Variants in ZNF600 observed in about 807,000 individuals in gnomAD.
The protein encoded by ZNF600 is zinc finger protein 600.
ZNF600 carries 4 observed loss-of-function variants against 7.3 expected under a neutral mutation model. That is an observed-to-expected ratio of 0.55 (90% confidence interval 0.27 to 1.25). The LOEUF is 1.25. Ranked by LOEUF, ZNF600 falls within the 50% of genes most tolerant of loss-of-function variation. The pLI, the probability that ZNF600 is intolerant of heterozygous loss-of-function variation, is 0.12. For missense variants in ZNF600, 911 were observed against 922.1 expected (o/e 0.99, Z 0.16); for synonymous variants, 290 against 308.9 (o/e 0.94, Z 0.64).
At chr19:52,791,012 G>A (rs940582330), upstream of ZNF600, among the ~76,000 whole-genome samples, 12 of 152,144 alleles carry the variant, frequency 7.9e-5, no homozygotes, top group Admixed American at 5.9e-4. Context: ...AAAAAAGTTT[G>A]AAGTCAGAGA....
intron 1 of ZNF600, among the ~76,000 whole-genome samples, chr19:52,783,706 A>G (rs1291079017): frequency 6.6e-6 from 1 of 151,462 alleles, no homozygotes; most frequent in African/African-American, 2.4e-5. Context: ...TTCTCTCTCC[A>G]TCTGTTTCTT....
chr19:52,797,317 A>G, the ZNF600 span: 1 of 152,272 alleles, frequency 6.6e-6, no homozygotes, highest in Non-Finnish European at 1.5e-5. Flanking sequence ...ATCTCACATG[A>G]TGCAAGAATG....
At chr19:52,806,447 GC>G in the ZNF600 span, among the ~76,000 whole-genome samples, 1 of 152,014 alleles carries the variant, frequency 6.6e-6, no homozygotes, top group Non-Finnish European at 1.5e-5. Context: ...GCCCATCTCA[GC>G]CTCTCAAAGT....
At chr19:52,827,233 ACCCTGTCTCTAAAAAC>A in the ZNF600 span, among the ~76,000 whole-genome samples, 2 of 143,802 alleles carry the variant, frequency 1.4e-5, no homozygotes, top group South Asian at 4.5e-4. Flanking sequence ...ATAGAGCAAA[ACCCTGTCTCTAAAAAC>A]AAAAAAAAAA....
At chr19:52,833,062 C>T in the ZNF600 span, among the ~76,000 whole-genome samples, 2 of 152,206 alleles carry the variant, frequency 1.3e-5, no homozygotes, top group Admixed American at 6.5e-5. Flanking sequence ...TAAGCCACCA[C>T]ACCCAGACCA....
At chr19:52,820,071 A>T in the ZNF600 span, among the ~76,000 whole-genome samples, 1 of 143,678 alleles carries the variant, frequency 7.0e-6, no homozygotes, top group Non-Finnish European at 1.5e-5. Context: ...GAAATACAAA[A>T]ATTAGCTGGG....
chr19:52,809,822 A>AGACAGCGGC, the ZNF600 span: 1 of 527,246 alleles, frequency 1.9e-6, no homozygotes, highest in Non-Finnish European at 3.3e-6. Flanking sequence ...TGAGCGGCGA[A>AGACAGCGGC]GGCGGCGGCG....
chr19:52,831,851 G>A, the ZNF600 span, among the ~76,000 whole-genome samples: 1 of 151,910 alleles, frequency 6.6e-6, no homozygotes, highest in East Asian at 1.9e-4. Context: ...TTTTGGTCAG[G>A]CTGGTCTTGA....
intron 2 of ZNF600, among the ~76,000 whole-genome samples, chr19:52,776,161 T>G (rs1217259051): frequency 6.7e-6 from 1 of 149,034 alleles, no homozygotes; most frequent in Non-Finnish European, 1.5e-5. Flanking sequence ...TGGAGACAAG[T>G]GCATCACACA....
chr19:52,823,764 T>C, the ZNF600 span, among the ~76,000 whole-genome samples: 650 of 152,136 alleles, frequency 4.3e-3, 7 homozygotes, highest in African/African-American at 0.015. Flanking sequence ...AGTTACTTTC[T>C]AAAAAATACC....
upstream of ZNF600, among the ~76,000 whole-genome samples, chr19:52,788,399 G>A (rs1350110161): frequency 6.6e-6 from 1 of 152,078 alleles, no homozygotes; most frequent in Non-Finnish European, 1.5e-5. Context: ...CACGTAACAT[G>A]AGTCTTTGGA....
the ZNF600 span, chr19:52,798,900 G>T: frequency 7.0e-7 from 1 of 1,428,920 alleles, no homozygotes; most frequent in Non-Finnish European, 9.5e-7. Context: ...AGTGGTGACT[G>T]CCCACTAAAG....
exon 4 of ZNF600, chr19:52,765,902 A>C: frequency 6.2e-7 from 1 of 1,614,036 alleles, no homozygotes; most frequent in South Asian, 1.1e-5. Context: ...GTTGATTAAA[A>C]GCCTTCCCAC....
At chr19:52,774,596 A>G (rs1212977018) in exon 3 of ZNF600, 1 of 985,204 alleles carries the variant, frequency 1.0e-6, no homozygotes, top group Non-Finnish European at 1.2e-6. Context: ...AGGTTCCTGT[A>G]GTTCTCCAAC....
chr19:52,824,261 T>C, the ZNF600 span, among the ~76,000 whole-genome samples: 332 of 152,214 alleles, frequency 2.2e-3, 1 homozygote, highest in African/African-American at 7.5e-3. Flanking sequence ...TTTTCTTACA[T>C]AGGCATCCAG....
At chr19:52,805,783 G>A in the ZNF600 span, 1 of 151,992 alleles carries the variant, frequency 6.6e-6, no homozygotes, top group African/African-American at 2.4e-5. Context: ...AGGAGTTCGA[G>A]TCCAGCCTGG....
At chr19:52,783,303 A>G (rs7256445) in intron 1 of ZNF600, among the ~76,000 whole-genome samples, 129,324 of 152,116 alleles carry the variant, frequency 0.85, 55,678 homozygotes, top group Non-Finnish European at 0.91. Context: ...TCAACTCACC[A>G]CTCATCTGCA....
At chr19:52,793,418 AG>A in the ZNF600 span, among the ~76,000 whole-genome samples, 1 of 152,174 alleles carries the variant, frequency 6.6e-6, no homozygotes, top group Non-Finnish European at 1.5e-5. Context: ...CTTGCAGCTG[AG>A]GGGCTAGAGA....
upstream of ZNF600, among the ~76,000 whole-genome samples, chr19:52,790,884 T>A (rs978752758): frequency 7.2e-5 from 11 of 152,178 alleles, no homozygotes; most frequent in Middle Eastern, 3.4e-3. Context: ...TTTCACCATG[T>A]GGGACAGGCT....
Sources: allele counts gnomAD v4.1 joint callset (sites outside exome capture counted in the v4.1 genomes callset), GRCh38; gene constraint gnomAD v4.1.1; transcripts MANE v1.5; gene names NCBI Gene and HGNC (gene_info 2026-07-23, HGNC 2026-07-21).